The following ALPK3 variants were observed in gnomAD, a reference collection of about 807,000 sequenced individuals.
ALPK3 encodes alpha-protein kinase 3.
ALPK3 carries 102 observed loss-of-function variants against 140.0 expected under a neutral mutation model. The observed-to-expected ratio is 0.73, with a 90% CI of 0.62 to 0.86. The LOEUF (loss-of-function observed/expected upper bound fraction) is 0.86, where lower values mean the gene tolerates loss of function less well. Among genes scored for constraint, ALPK3 ranks in the 40% least tolerant of loss-of-function variants. The probability of loss-of-function intolerance (pLI) is 0.00; values close to 1 mark genes in which losing one functional copy is unlikely to be tolerated. For synonymous variants in ALPK3, 938 were observed against 898.5 expected (o/e 1.04, Z -0.79); for missense variants, 2,254 against 2,208.2 (o/e 1.02, Z -0.42).
intron 3 of ALPK3, among the ~76,000 whole-genome samples, chr15:84,837,697 T>C (rs1458694606): frequency 2.0e-5 from 3 of 152,204 alleles, no homozygotes; most frequent in Non-Finnish European, 4.4e-5. Context: ...TCTTATGGAA[T>C]TGACAAGAGG....
chr15:84,853,143 G>A (rs1963824569), intron 5 of ALPK3, among the ~76,000 whole-genome samples: 1 of 152,184 alleles, frequency 6.6e-6, no homozygotes, highest in African/African-American at 2.4e-5. Flanking sequence ...TGCACAGTCT[G>A]CACCTTCTTT....
intron 5 of ALPK3, among the ~76,000 whole-genome samples, chr15:84,847,637 TA>T (rs964735068): frequency 6.6e-6 from 1 of 151,728 alleles, no homozygotes; most frequent in Non-Finnish European, 1.5e-5. Context: ...TTTTTAATGC[TA>T]AAAAAAAGAA....
chr15:84,857,277 G>A lies in ALPK3; in HGVS notation c.2539G>A (p.Val847Met), dbSNP rs368330440. 3.7e-6 allele frequency: 6 copies of A among 1,613,980 alleles called. No individual in the cohort carries two copies. The African/African-American group carries it at 5.3e-5, about 14-fold the overall frequency. Residue 847 changes from valine (V) to methionine (M), a missense_variant, in exon 6 of 14, where the codon GTG (valine) becomes ATG (methionine). Physicochemically the swap from Val to Met is conservative, Grantham distance 21. Coordinates refer to ENST00000258888, the MANE Select transcript of ALPK3 (RefSeq NM_020778.5). ...CCCCAAGGAGGAGCGGCCAGGGGGAGTGCCGTGTATGGATCAGGGTGGCTG... is the reference window on the plus strand; with the variant it reads ...CCCCAAGGAGGAGCGGCCAGGGGGAATGCCGTGTATGGATCAGGGTGGCTG... Reference protein sequence around the residue: ...QCPKEERPGGVPCMDQGGCPL... With the variant: ...QCPKEERPGGMPCMDQGGCPL...
Position 84,840,601 on chromosome 15 carries a change from C to T in ALPK3, c.1322C>T (p.Ala441Val), listed in dbSNP as rs1172324544. The change falls in exon 5 of 14, where the codon GCG becomes GTG. Residue 441 changes from alanine (A) to valine (V), a missense_variant. Ala to Val is a moderately conservative substitution (Grantham distance 64). Transcript: ENST00000258888. ...EEGPQTLSVR[A>V]PGESPKGKAP... is the part of the protein sequence containing the mutation. ...GGACCCCAGACCCTGAGTGTCCGGGCGCCTGGGGAGAGTCCCAAGGGGAAG... is the reference window on the plus strand; with the variant it reads ...GGACCCCAGACCCTGAGTGTCCGGGTGCCTGGGGAGAGTCCCAAGGGGAAG... 6.4e-6 allele frequency: 10 copies of T among 1,561,640 alleles called. No individual in the cohort carries two copies. The East Asian group carries it at 1.3e-4, about 21-fold the overall frequency.
At chr15:84,859,689 AG>A in intron 7 of ALPK3, 86 bp from the exon 8 acceptor site, 1 of 1,473,726 alleles carries the variant, frequency 6.8e-7, no homozygotes, top group South Asian at 1.4e-5. Flanking sequence ...GGTTCACAGC[AG>A]CCTCTGAGAG....
At chr15:84,821,729 C>T (rs1963426474) in intron 1 of ALPK3, among the ~76,000 whole-genome samples, 1 of 152,062 alleles carries the variant, frequency 6.6e-6, no homozygotes, top group African/African-American at 2.4e-5. Context: ...CTTTCTTTTT[C>T]TTCCTCTCTC....
chr15:84,850,265 G>A (rs953099395), intron 5 of ALPK3, among the ~76,000 whole-genome samples: 1 of 152,176 alleles, frequency 6.6e-6, no homozygotes, highest in East Asian at 1.9e-4. Context: ...CCAGGGCCAT[G>A]CCCCCTTAGA....
In ALPK3 at chr15:84,869,503, C is replaced by A. The variant is rs955664433; in HGVS notation, c.*1047C>A. 1 of 152,158 alleles carries A rather than the reference C, an allele frequency of 6.6e-6. No individual in the cohort carries two copies. The highest frequency in any genetic ancestry group is 1.5e-5 in the Non-Finnish European group (1 of 68,024). The allele number at this position is 152,158 out of a possible 1,614,324, so 9.4% of individuals were successfully genotyped here. A position where few individuals can be genotyped will look rare whatever the true frequency, so the allele number is the denominator to read the frequency against. On this transcript the variant is annotated 3_prime_UTR_variant, in exon 14 of 14. Transcript: ENST00000258888. ...CCCATGGGGAGTACACTTGGGTGTT[C>A]TAGGAGGGATGCAGTCTATCCATGC... is the stretch of plus-strand genomic sequence containing the variant.
chr15:84,865,164 G>A (rs755947761), intron 12 of ALPK3, among the ~76,000 whole-genome samples: 2 of 151,852 alleles, frequency 1.3e-5, no homozygotes, highest in African/African-American at 2.4e-5. Flanking sequence ...TTATTCCTAC[G>A]CCCCCCATTA....
In ALPK3 at chr15:84,817,567, T is replaced by C; in HGVS notation, c.115T>C (p.Tyr39His). 2 of 1,502,656 alleles carry C rather than the reference T, an allele frequency of 1.3e-6. No individual in the cohort carries two copies. The highest frequency in any genetic ancestry group is 1.8e-6 in the Non-Finnish European group (2 of 1,131,452). The allele number at this position is 1,502,656 out of a possible 1,614,324, so 93.1% of individuals were successfully genotyped here. ...GATCCCCAGCCCAGCCAGCCGGAGCTACCTGCTCAGCGTGCGGCCCGAGAC... is the reference window on the plus strand; with the variant it reads ...GATCCCCAGCCCAGCCAGCCGGAGCCACCTGCTCAGCGTGCGGCCCGAGAC... ...VWIPSPASRS[Y>H]LLSVRPETSL... Residue 39 changes from tyrosine (Y) to histidine (H), a missense_variant, in exon 1 of 14, where the codon TAC becomes CAC. Coordinates refer to ENST00000258888, the MANE Select transcript of ALPK3 (RefSeq NM_020778.5).
chr15:84,839,231 G>C (rs1407556954), intron 4 of ALPK3, 134 bp downstream of exon 4: 18 of 780,194 alleles, frequency 2.3e-5, no homozygotes, highest in South Asian at 3.5e-5. Context: ...GGATTCTGCT[G>C]TGTGGTTGAA....
In ALPK3 at chr15:84,840,529, A is replaced by G. The variant is rs749140872; in HGVS notation, c.1250A>G (p.Asp417Gly). 2 of 1,608,114 alleles carry G rather than the reference A, an allele frequency of 1.2e-6. No homozygotes were observed. Among genetic ancestry groups the G allele is most frequent in the South Asian group, 1.1e-5 (1 of 90,152 alleles). The change falls in exon 5 of 14, where the codon GAC (aspartate) becomes GGC (glycine). Residue 417 changes from aspartate (D) to glycine (G), a missense_variant. Asp to Gly is a moderately conservative substitution (Grantham distance 94). This residue lies in a region of ALPK3 where 2,088 missense variants were observed against 2,022.9 expected (regional missense o/e 1.03). Transcript: ENST00000258888. The part of the protein sequence containing the change: ...PGQEVYFSLK[D>G]MYLENTQAVR... ...CAGGAAGTGTATTTCTCCTTGAAGG[A>G]CATGTACCTGGAGAACACCCAGGCA...
chr15:84,831,261 G>A (rs1166377277), intron 3 of ALPK3, among the ~76,000 whole-genome samples: 1 of 152,116 alleles, frequency 6.6e-6, no homozygotes, highest in Admixed American at 6.5e-5. Flanking sequence ...CTTCACCCTG[G>A]AACATGCTTA....
chr15:84,848,357 A>T (rs575842373), intron 5 of ALPK3, among the ~76,000 whole-genome samples: 1 of 152,274 alleles, frequency 6.6e-6, no homozygotes, highest in East Asian at 1.9e-4. Flanking sequence ...TGATGGTGAG[A>T]TTACTGTATG....
rs369162996 is a variant in ALPK3 at position 84,859,920 on chromosome 15, G to T, written c.4093+17G>T. Reference sequence around the variant, plus strand: ...GCCCTGAGGGTGAGTGTGCCCCGCGGCCCGGGGTCTCAGCCTGGCCTGGCT... The same window carrying T: ...GCCCTGAGGGTGAGTGTGCCCCGCGTCCCGGGGTCTCAGCCTGGCCTGGCT... On this transcript the variant is annotated intron_variant, in intron 8 of 13. Coordinates refer to ENST00000258888, the MANE Select transcript of ALPK3 (RefSeq NM_020778.5). The T allele has an allele frequency of 6.2e-6, 10 of 1,613,762 alleles. No homozygotes were observed. Among genetic ancestry groups the T allele is most frequent in the Non-Finnish European group, 7.6e-6 (9 of 1,179,988 alleles).
chr15:84,843,416 A>C lies in ALPK3; in HGVS notation c.1653+2484A>C, dbSNP rs185867602. Among the ~76,000 whole-genome samples the C allele has an allele frequency of 2.2e-3, 339 of 152,146 alleles. 3 individuals carry two copies. Among genetic ancestry groups the C allele is most frequent in the Non-Finnish European group, 2.6e-3 (174 of 67,964 alleles). ...CTGGGAGGTGGAGGTTGCAGTGAGC[A>C]ATAGTTTAGATAGTCTCATGAGACT... On this transcript the variant is annotated intron_variant, in intron 5 of 13. Transcript: ENST00000258888.
intron 3 of ALPK3, among the ~76,000 whole-genome samples, chr15:84,828,139 T>C (rs1963509605): frequency 6.6e-6 from 1 of 152,164 alleles, no homozygotes; most frequent in Non-Finnish European, 1.5e-5. Context: ...GTGGGGATAA[T>C]GATAGGATGC....
intron 12 of ALPK3, among the ~76,000 whole-genome samples, chr15:84,865,687 G>A (rs762569687): frequency 2.0e-5 from 3 of 152,232 alleles, no homozygotes; most frequent in Non-Finnish European, 2.9e-5. Flanking sequence ...GGCTGGGCGC[G>A]GAGGCTCACG....
Position 84,857,931 on chromosome 15 carries a change from G to A in ALPK3, c.3193G>A (p.Gly1065Ser), listed in dbSNP as rs1452633466. The A allele has an allele frequency of 6.2e-7, 1 of 1,609,858 alleles. No individual in the cohort carries two copies. Among genetic ancestry groups the A allele is most frequent in the Non-Finnish European group, 8.5e-7 (1 of 1,178,642 alleles). ...LAAARGSWGP[G>S]PSSLTVPAIV... is the part of the protein sequence containing the mutation. ...TGCTGCCCGAGGCTCCTGGGGTCCT[G>A]GTCCCAGCTCCCTCACTGTCCCTGC... is the stretch of plus-strand genomic sequence containing the variant. The change falls in exon 6 of 14, where the codon GGT (glycine) becomes AGT (serine). Residue 1065 changes from glycine (G) to serine (S), a missense_variant. Gly to Ser is a moderately conservative substitution (Grantham distance 56, BLOSUM62 0). Transcript: ENST00000258888.
Sources: allele counts gnomAD v4.1 joint callset (sites outside exome capture counted in the v4.1 genomes callset), GRCh38; gene constraint gnomAD v4.1.1; regional missense constraint gnomAD v4.1.1; transcripts MANE v1.5; gene names NCBI Gene and HGNC (gene_info 2026-07-23, HGNC 2026-07-21).